HAUS3: variants seen among roughly 807,000 people sequenced by gnomAD.
HAUS3 encodes the protein HAUS augmin-like complex subunit 3.
Under a neutral mutation model 55.2 loss-of-function variants are expected in HAUS3, and 36 were observed. The observed-to-expected ratio is 0.65, with a 90% CI of 0.50 to 0.86. The LOEUF (loss-of-function observed/expected upper bound fraction) is 0.86, where lower values mean the gene tolerates loss of function less well. Among genes scored for constraint, HAUS3 ranks in the 40% least tolerant of loss-of-function variants. HAUS3 has a pLI of 0.00. For synonymous variants in HAUS3, 234 were observed against 238.6 expected, an observed-to-expected ratio of 0.98 and a Z score of 0.18; for missense variants, 752 against 671.5, an observed-to-expected ratio of 1.12 and a Z score of -1.33.
chr4:2,235,956 C>T (rs1577797799), intron 5 of HAUS3, among the ~76,000 whole-genome samples: 1 of 151,840 alleles, frequency 6.6e-6, no homozygotes. Context: ...AATACAGAGG[C>T]GGTTTTATTT....
chr4:2,236,831 C>A (rs1454001653), intron 4 of HAUS3, among the ~76,000 whole-genome samples: 1 of 151,318 alleles, frequency 6.6e-6, no homozygotes, highest in Non-Finnish European at 1.5e-5. Flanking sequence ...CCACTGCACT[C>A]CAGCCTGGGC....
At chr4:2,239,905 A>G (rs1327973943) in intron 3 of HAUS3, 133 bp downstream of exon 3, 2 of 691,118 alleles carry the variant, frequency 2.9e-6, no homozygotes, top group Non-Finnish European at 4.9e-6. Context: ...GATCACAAAT[A>G]AGCACTGAAC....
At position 2,228,966 on chromosome 4, in the gene HAUS3, G is replaced by C; in HGVS notation, c.*2961C>G. On this transcript the variant is annotated 3_prime_UTR_variant, in exon 6 of 6. Coordinates refer to ENST00000443786, the MANE Select transcript of HAUS3 (RefSeq NM_001303143.2). ...AAGTTAGCAAGCAGAAGCTCAGTCT[G>C]CACTGAATGAGTGTAAAAGGGGCGG... 1 of 801,770 alleles carries C rather than the reference G, an allele frequency of 1.2e-6. No homozygotes were observed. Among genetic ancestry groups the C allele is most frequent in the Non-Finnish European group, 1.9e-6 (1 of 518,504 alleles). 49.7% of individuals were successfully genotyped at this position (801,770 alleles called of 1,614,324 possible).
rs143216081 is a variant in HAUS3, at chr4:2,234,923, T to C, written c.1578+1305A>G. Among the ~76,000 whole-genome samples the C allele has an allele frequency of 2.1e-3, 320 of 152,356 alleles. 1 individual carries two copies. The highest frequency in any genetic ancestry group is 7.2e-3 in the African/African-American group (300 of 41,576). ...TTTTTTGACACCAAGTCTTGCTCTG[T>C]CGCCCAGGCTGGAGTGCAGTGGCGC... is the stretch of plus-strand genomic sequence containing the variant. On this transcript the variant is annotated intron_variant, in intron 5 of 5. Transcript: ENST00000443786.
In HAUS3 at chr4:2,229,272, C is replaced by T. The variant is rs568518085; in HGVS notation, c.*2655G>A. The stretch of plus-strand genomic sequence containing the variant: ...AATGTAAGATTAACATAAGATAAAT[C>T]CCATATATTAATCCTAAGACTATAA... On this transcript the variant is annotated 3_prime_UTR_variant, in exon 6 of 6. Coordinates refer to ENST00000443786, the MANE Select transcript of HAUS3 (RefSeq NM_001303143.2). 4.0e-6 allele frequency: 6 copies of T among 1,507,952 alleles called. No individual in the cohort carries two copies. Among genetic ancestry groups the T allele is most frequent in the Admixed American group, 4.2e-5 (2 of 47,872 alleles). 93.4% of individuals were successfully genotyped at this position (1,507,952 alleles called of 1,614,324 possible). A position where few individuals can be genotyped will look rare whatever the true frequency, so the allele number is the denominator to read the frequency against.
chr4:2,236,155 A>T, intron 5 of HAUS3, 73 bp downstream of exon 5: 2 of 849,338 alleles, frequency 2.4e-6, no homozygotes, highest in Non-Finnish European at 3.7e-6. Flanking sequence ...CCTCATGTTA[A>T]CATTTTCTTT....
chr4:2,241,254 C>T (rs1179145490), intron 2 of HAUS3, among the ~76,000 whole-genome samples, 161 bp from the exon 3 acceptor site: 1 of 152,136 alleles, frequency 6.6e-6, no homozygotes, highest in Non-Finnish European at 1.5e-5. Context: ...AACAATTAGG[C>T]TAGTTCTCAG....
rs1734549463 is a variant in HAUS3 at position 2,230,687 on chromosome 4, A to G, written c.*1240T>C. The G allele has an allele frequency of 6.6e-6, 1 of 151,918 alleles. No homozygotes were observed. The highest frequency in any genetic ancestry group is 2.1e-4 in the South Asian group (1 of 4,812). 9.4% of individuals were successfully genotyped at this position (151,918 alleles called of 1,614,324 possible). A position where few individuals can be genotyped will look rare whatever the true frequency, so the allele number is the denominator to read the frequency against. ...GTTATAGCTAAAAAATTCCATAAAG[A>G]CCACCCAAAACATGTAGTTTTTAGA... On this transcript the variant is annotated 3_prime_UTR_variant, in exon 6 of 6. Coordinates refer to ENST00000443786, the MANE Select transcript of HAUS3 (RefSeq NM_001303143.2).
chr4:2,237,899 T>C (rs555872280), intron 4 of HAUS3, among the ~76,000 whole-genome samples: 32 of 152,320 alleles, frequency 2.1e-4, no homozygotes, highest in African/African-American at 7.0e-4. Context: ...ATTAGTCTTA[T>C]AGATGTAACT....
chr4:2,229,572 C>T lies in HAUS3; in HGVS notation c.*2355G>A, dbSNP rs1049122780. 6 of 166,188 alleles carry T rather than the reference C, an allele frequency of 3.6e-5. No individual in the cohort carries two copies. Among genetic ancestry groups the T allele is most frequent in the Admixed American group, 1.9e-4 (3 of 15,676 alleles). The allele number at this position is 166,188 out of a possible 1,614,324, so 10.3% of individuals were successfully genotyped here. On this transcript the variant is annotated 3_prime_UTR_variant, in exon 6 of 6. Coordinates refer to ENST00000443786, the MANE Select transcript of HAUS3 (RefSeq NM_001303143.2). ...GAGCGCGGAAGCTCATGCCTGTGAT[C>T]CCTGCACTTTGGTAGACTGAGGCGG...
intron 3 of HAUS3, 147 bp downstream of exon 3, chr4:2,239,891 C>G: frequency 1.2e-5 from 8 of 650,118 alleles, no homozygotes; most frequent in Non-Finnish European, 2.1e-5. Flanking sequence ...GAAACATTGA[C>G]ACAGATCACA....
Position 2,240,865 on chromosome 4 carries a change from CAA to C in HAUS3, c.80_81del (p.Phe27Ter). On this transcript the variant is annotated frameshift_variant, in exon 3 of 6. Coordinates refer to ENST00000443786, the MANE Select transcript of HAUS3 (RefSeq NM_001303143.2). LOFTEE classifies it high-confidence loss of function. ...TCTTCAACGCCCTCAAACAACCAGT[CAA>C]AGTCTTCTCCATTAAGATTATCAGC... Reference protein sequence around the residue: ...PKADNLNGEDFDWLFEGVEDE... With the variant: ...PKADNLNGEDXDWLFEGVEDE... 1.9e-6 allele frequency: 3 copies of C among 1,612,126 alleles called. No homozygotes were observed. The highest frequency in any genetic ancestry group is 2.2e-5 in the East Asian group (1 of 44,868).
Position 2,240,593 on chromosome 4 carries a change from C to T in HAUS3, c.354G>A (p.Gln118=), listed in dbSNP as rs1734946901. The T allele has an allele frequency of 6.2e-7, 1 of 1,612,536 alleles. No homozygotes were observed. The highest frequency in any genetic ancestry group is 8.5e-7 in the Non-Finnish European group (1 of 1,179,712). Residue 118 remains glutamine, a synonymous_variant, in exon 3 of 6, where the codon CAG becomes CAA. Coordinates refer to ENST00000443786, the MANE Select transcript of HAUS3 (RefSeq NM_001303143.2). ...TLLKLKNLKI[Q]RRNKCQLMAS... is the part of the protein sequence containing the mutation. Reference sequence around the variant, plus strand: ...CCATCAATTGACATTTATTACGTCGCTGAATTTTTAGGTTCTTTAATTTCA... The same window carrying T: ...CCATCAATTGACATTTATTACGTCGTTGAATTTTTAGGTTCTTTAATTTCA...
chr4:2,240,972 T>C lies in HAUS3; in HGVS notation c.-26A>G. The C allele has an allele frequency of 6.5e-7, 1 of 1,532,426 alleles. No individual in the cohort carries two copies. The highest frequency in any genetic ancestry group is 8.8e-7 in the Non-Finnish European group (1 of 1,134,600). 94.9% of individuals were successfully genotyped at this position (1,532,426 alleles called of 1,614,324 possible). A position where few individuals can be genotyped will look rare whatever the true frequency, so the allele number is the denominator to read the frequency against. On this transcript the variant is annotated 5_prime_UTR_variant, in exon 3 of 6. It adds an upstream start codon to the 5' untranslated region. Transcript: ENST00000443786. Reference sequence around the variant, plus strand: ...GGTTTTAACTACCCCAATTTTGTTGTATCTGATATGGGTTTACGGTGTTGA... The same window carrying C: ...GGTTTTAACTACCCCAATTTTGTTGCATCTGATATGGGTTTACGGTGTTGA...
At chr4:2,239,153 G>C in intron 3 of HAUS3, 110 bp from the exon 4 acceptor site, 1 of 544,816 alleles carries the variant, frequency 1.8e-6, no homozygotes, top group Non-Finnish European at 3.1e-6. Flanking sequence ...CTCAATGAAT[G>C]AAAACTAATT....
In HAUS3 at chr4:2,241,068, A is replaced by G. The variant is rs1057071825; in HGVS notation, c.-122T>C. On this transcript the variant is annotated 5_prime_UTR_variant, in exon 3 of 6. Coordinates refer to ENST00000443786, the MANE Select transcript of HAUS3 (RefSeq NM_001303143.2). ...CAAGTCCACAGAGAAGGGAAAATAT[A>G]TTTTTAGAATCTATAATGATTCCTC... 13 of 707,174 alleles carry G rather than the reference A, an allele frequency of 1.8e-5. No homozygotes were observed. The Admixed American group carries it at 3.9e-4, about 21-fold the overall frequency. The allele number at this position is 707,174 out of a possible 1,614,324, so 43.8% of individuals were successfully genotyped here. A position where few individuals can be genotyped will look rare whatever the true frequency, so the allele number is the denominator to read the frequency against.
rs1166853070 is a variant in HAUS3 at position 2,229,629 on chromosome 4, A to G, written c.*2298T>C. 1 of 153,700 alleles carries G rather than the reference A, an allele frequency of 6.5e-6. No homozygotes were observed. The highest frequency in any genetic ancestry group is 1.4e-5 in the Non-Finnish European group (1 of 69,214). 9.5% of individuals were successfully genotyped at this position (153,700 alleles called of 1,614,324 possible). On this transcript the variant is annotated 3_prime_UTR_variant, in exon 6 of 6. Transcript: ENST00000443786. ...CACCTGAGGTCAGGAGTTCGAGACC[A>G]ACCTGGCCAACATGATGAAACCCCG...
chr4:2,231,860 T>C lies in HAUS3; in HGVS notation c.*67A>G. 1 of 709,770 alleles carries C rather than the reference T, an allele frequency of 1.4e-6. No homozygotes were observed. Among genetic ancestry groups the C allele is most frequent in the Non-Finnish European group, 2.4e-6 (1 of 419,968 alleles). 44.0% of individuals were successfully genotyped at this position (709,770 alleles called of 1,614,324 possible). On this transcript the variant is annotated 3_prime_UTR_variant, in exon 6 of 6. Transcript: ENST00000443786. ...CTCAAATTTTAAAAATTTAGTAGTGTTTATTATACACAGTCTTCTAATAAA... is the reference window on the plus strand; with the variant it reads ...CTCAAATTTTAAAAATTTAGTAGTGCTTATTATACACAGTCTTCTAATAAA...
At position 2,230,464 on chromosome 4, in the gene HAUS3, CAT is replaced by C. The variant is rs1734540337; in HGVS notation, c.*1461_*1462del. ...TATTCCGAAATAGAATAGAAAAAAA[CAT>C]ATACAACAAAAAAAAAGTTGCTCAG... On this transcript the variant is annotated 3_prime_UTR_variant, in exon 6 of 6. Transcript: ENST00000443786. 1 of 151,562 alleles carries C rather than the reference CAT, an allele frequency of 6.6e-6. No individual in the cohort carries two copies. Among genetic ancestry groups the C allele is most frequent in the African/African-American group, 2.4e-5 (1 of 41,234 alleles). The allele number at this position is 151,562 out of a possible 1,614,324, so 9.4% of individuals were successfully genotyped here. A position where few individuals can be genotyped will look rare whatever the true frequency, so the allele number is the denominator to read the frequency against.
Sources: gnomAD v4.1 joint callset for allele counts (sites outside exome capture counted in the v4.1 genomes callset) on GRCh38, gnomAD v4.1.1 for gene constraint, MANE v1.5 for transcripts, NCBI Gene and HGNC (gene_info 2026-07-23, HGNC 2026-07-21) for gene names.